The following MAPKAPK2 variants were observed in gnomAD, a reference collection of about 807,000 sequenced individuals.
The protein encoded by MAPKAPK2 is MAPK activated protein kinase 2.
A neutral mutation model predicts 48.8 loss-of-function variants in MAPKAPK2; 9 were observed. The ratio of observed to expected loss-of-function variants is 0.18; its 90% CI spans 0.11 to 0.32. The LOEUF is 0.32. Ranked by LOEUF, MAPKAPK2 falls within the 10% of genes least tolerant of loss-of-function variation. MAPKAPK2 has a pLI of 1.00. For missense variants in MAPKAPK2, 331 were observed against 498.3 expected (o/e 0.66, Z 3.20); for synonymous variants, 202 against 190.6 (o/e 1.06, Z -0.49).
intron 1 of MAPKAPK2, among the ~76,000 whole-genome samples, chr1:206,723,014 G>A (rs782603081): frequency 2.6e-4 from 40 of 152,218 alleles, no homozygotes; most frequent in Admixed American, 1.0e-3. Context: ...AACACATACC[G>A]CACCACACAC....
At position 206,731,394 on chromosome 1, in the gene MAPKAPK2, C is replaced by T. The variant is rs1287886546; in HGVS notation, c.892+132C>T. On this transcript the variant is annotated intron_variant, in intron 7 of 9. Transcript: ENST00000367103. This position sits in a 1 kb window ranked among gnomAD's most constrained non-coding sequence, Gnocchi z 5.9. ...TGTAACTGTGGGTTAGCACCTATGC[C>T]CACGCCTGCGGGGTGCGTCCTGCTT... 14 of 1,494,726 alleles carry T rather than the reference C, an allele frequency of 9.4e-6. No individual in the cohort carries two copies. Among genetic ancestry groups the T allele is most frequent in the South Asian group, 1.3e-5 (1 of 77,968 alleles). 92.6% of individuals were successfully genotyped at this position (1,494,726 alleles called of 1,614,324 possible). A position where few individuals can be genotyped will look rare whatever the true frequency, so the allele number is the denominator to read the frequency against.
intron 1 of MAPKAPK2, among the ~76,000 whole-genome samples, chr1:206,688,647 A>AT (rs1162376035): frequency 2.6e-5 from 4 of 151,632 alleles, no homozygotes; most frequent in Admixed American, 1.3e-4. Flanking sequence ...TTTTATTTTT[A>AT]TTTTTTTTGA....
intron 1 of MAPKAPK2, among the ~76,000 whole-genome samples, chr1:206,721,298 C>T (rs1443672507): frequency 1.3e-5 from 2 of 152,166 alleles, no homozygotes; most frequent in African/African-American, 4.8e-5. Flanking sequence ...AAGCTTGTAC[C>T]AGCTGCAGAA....
chr1:206,692,736 C>T (rs1394602882), intron 1 of MAPKAPK2, among the ~76,000 whole-genome samples: 1 of 152,228 alleles, frequency 6.6e-6, no homozygotes, highest in Non-Finnish European at 1.5e-5. Flanking sequence ...CTGCTGGGAA[C>T]CTGAGCCCTC....
At chr1:206,696,372 G>A (rs1672625418) in intron 1 of MAPKAPK2, 2 of 666,796 alleles carry the variant, frequency 3.0e-6, no homozygotes, top group Admixed American at 2.4e-5. Context: ...CATTATTTTT[G>A]TGTCCTCTTA....
At chr1:206,725,677 A>G (rs1170773960) in intron 1 of MAPKAPK2, among the ~76,000 whole-genome samples, 1 of 151,830 alleles carries the variant, frequency 6.6e-6, no homozygotes, top group African/African-American at 2.4e-5. Context: ...CCTGATTGTA[A>G]CTCTACAACC....
rs1553432738 is a variant in MAPKAPK2, at chr1:206,731,748, C to A, written c.978+23C>A. 1 of 1,612,848 alleles carries A rather than the reference C, an allele frequency of 6.2e-7. No individual in the cohort carries two copies. Among genetic ancestry groups the A allele is most frequent in the East Asian group, 2.2e-5 (1 of 44,874 alleles). On this transcript the variant is annotated intron_variant, in intron 8 of 9. Transcript: ENST00000367103. The surrounding 1 kb of genome is among the most constrained non-coding windows in gnomAD (Gnocchi z 5.9). ...ATGGTAAGCTCGGCAGGCTGGGGAG[C>A]CTTGGGTCTCACGGGACTATTCCAC... is the stretch of plus-strand genomic sequence containing the variant.
intron 1 of MAPKAPK2, among the ~76,000 whole-genome samples, chr1:206,695,544 C>T (rs1001632815): frequency 6.6e-6 from 1 of 151,138 alleles, no homozygotes. Flanking sequence ...GTGCTTTCCA[C>T]CCCCACACCT....
chr1:206,716,594 G>A (rs957972634), intron 1 of MAPKAPK2, among the ~76,000 whole-genome samples: 4 of 152,032 alleles, frequency 2.6e-5, no homozygotes, highest in South Asian at 2.1e-4. Context: ...TCAGGTATAC[G>A]TTGCTGTGAG....
Position 206,730,672 on chromosome 1 carries a change from G to C in MAPKAPK2, c.692-16G>C. ...TTCTGAGGGCCGGCCCACCCATGTT[G>C]ACCTTTGATTTGCAGCTCCAGAAGT... On this transcript the variant is annotated splice_polypyrimidine_tract_variant and intron_variant, in intron 5 of 9. Coordinates refer to ENST00000367103, the MANE Select transcript of MAPKAPK2 (RefSeq NM_032960.4). 6.2e-7 allele frequency: 1 copy of C among 1,611,700 alleles called. No homozygotes were observed. The highest frequency in any genetic ancestry group is 1.3e-5 in the African/African-American group (1 of 74,936).
chr1:206,693,313 G>A (rs1023138884), intron 1 of MAPKAPK2, among the ~76,000 whole-genome samples: 4 of 152,014 alleles, frequency 2.6e-5, no homozygotes, highest in Non-Finnish European at 4.4e-5. Flanking sequence ...CTGCCACACC[G>A]CTGACCTGTT....
intron 1 of MAPKAPK2, among the ~76,000 whole-genome samples, chr1:206,705,346 G>T (rs1553428414): frequency 2.6e-5 from 4 of 152,188 alleles, no homozygotes; most frequent in Admixed American, 1.3e-4. Context: ...GTCCTGGCAT[G>T]AAAACACTGA....
chr1:206,709,820 A>G (rs1456872191), intron 1 of MAPKAPK2, among the ~76,000 whole-genome samples: 1 of 152,146 alleles, frequency 6.6e-6, no homozygotes, highest in Non-Finnish European at 1.5e-5. Flanking sequence ...GCTTTGTAGG[A>G]GTTAGCAGCA....
At position 206,718,678 on chromosome 1, in the gene MAPKAPK2, G is replaced by A. The variant is rs140450498; in HGVS notation, c.280-10032G>A. Reference sequence around the variant, plus strand: ...AGCTGCCTCTTTCTTCTACGACACCGCACGTTTTCCATTGTATGGATTTGC... The same window carrying A: ...AGCTGCCTCTTTCTTCTACGACACCACACGTTTTCCATTGTATGGATTTGC... On this transcript the variant is annotated intron_variant, in intron 1 of 9. Transcript: ENST00000367103. Among the ~76,000 whole-genome samples, 389 of 152,060 alleles carry A rather than the reference G, an allele frequency of 2.6e-3. 2 individuals are homozygous for A. Among genetic ancestry groups the A allele is most frequent in the African/African-American group, 8.9e-3 (367 of 41,442 alleles).
chr1:206,685,194 G>A lies in MAPKAPK2; in HGVS notation c.-36G>A. Reference sequence around the variant, plus strand: ...GGAGCCGGAGGAGGGGGCGGCCGCGGGCACCCCCGCCTGTGCCCCGGCGTC... The same window carrying A: ...GGAGCCGGAGGAGGGGGCGGCCGCGAGCACCCCCGCCTGTGCCCCGGCGTC... On this transcript the variant is annotated 5_prime_UTR_variant, in exon 1 of 10. Coordinates refer to ENST00000367103, the MANE Select transcript of MAPKAPK2 (RefSeq NM_032960.4). 3.3e-6 allele frequency: 1 copy of A among 306,958 alleles called. No homozygotes were observed. Among genetic ancestry groups the A allele is most frequent in the South Asian group, 9.7e-5 (1 of 10,260 alleles). The allele number at this position is 306,958 out of a possible 1,614,324, so 19.0% of individuals were successfully genotyped here. A position where few individuals can be genotyped will look rare whatever the true frequency, so the allele number is the denominator to read the frequency against.
At chr1:206,695,163 G>A (rs1417464829) in intron 1 of MAPKAPK2, among the ~76,000 whole-genome samples, 1 of 152,150 alleles carries the variant, frequency 6.6e-6, no homozygotes, top group Non-Finnish European at 1.5e-5. Context: ...ACCTGGGCTC[G>A]GATACTTTAA....
rs538006544 is a variant in MAPKAPK2, at chr1:206,707,469, A to G, written c.280-21241A>G. On this transcript the variant is annotated intron_variant, in intron 1 of 9. Transcript: ENST00000367103. The stretch of plus-strand genomic sequence containing the variant: ...AAACCAGAGCAGCAAAGGTAGAGAA[A>G]AAAGGGGCTGGTTGTAGGCACTGAA... Among the ~76,000 whole-genome samples, 6 of 152,284 alleles carry G rather than the reference A, an allele frequency of 3.9e-5. No homozygotes were observed. In the South Asian group the frequency reaches 1.0e-3, roughly 26 times the overall value.
Position 206,685,359 on chromosome 1 carries a change from C to T in MAPKAPK2, c.130C>T (p.Pro44Ser). The change falls in exon 1 of 10, where the codon CCG (proline) becomes TCG (serine). Residue 44 changes from proline to serine, a missense_variant. Transcript: ENST00000367103. ...GCCGCCGCCGCCCCCGCAGCAGTTC[C>T]CGCAGTTCCACGTCAAGTCCGGCCT... ...QPPPPPPQQF[P>S]QFHVKSGLQI... The T allele has an allele frequency of 6.6e-7, 1 of 1,504,636 alleles. No homozygotes were observed. Among genetic ancestry groups the T allele is most frequent in the Non-Finnish European group, 8.9e-7 (1 of 1,118,912 alleles). 93.2% of individuals were successfully genotyped at this position (1,504,636 alleles called of 1,614,324 possible).
At chr1:206,712,303 C>T (rs1326745277) in intron 1 of MAPKAPK2, among the ~76,000 whole-genome samples, 11 of 152,130 alleles carry the variant, frequency 7.2e-5, no homozygotes, top group African/African-American at 2.7e-4. Flanking sequence ...ATGTTGTTAT[C>T]CCTGTATTAC....
Sources: allele counts gnomAD v4.1 joint callset (sites outside exome capture counted in the v4.1 genomes callset), GRCh38; gene constraint gnomAD v4.1.1; non-coding constraint Gnocchi (gnomAD v3.1); transcripts MANE v1.5; gene names NCBI Gene and HGNC (gene_info 2026-07-23, HGNC 2026-07-21).